Variants in TRIM13 observed in about 807,000 individuals in gnomAD.
The protein encoded by TRIM13 is tripartite motif containing 13.
A neutral mutation model predicts 27.1 loss-of-function variants in TRIM13; 15 were observed. The observed-to-expected ratio is 0.55, with a 90% confidence interval of 0.37 to 0.85. The LOEUF (loss-of-function observed/expected upper bound fraction) is 0.85. Ranked by LOEUF, TRIM13 falls within the 40% of genes least tolerant of loss-of-function variation. The pLI is 0.00. For missense variants in TRIM13, 402 were observed against 472.2 expected, an observed-to-expected ratio of 0.85 and a Z score of 1.38; for synonymous variants, 193 against 171.5, an observed-to-expected ratio of 1.13 and a Z score of -0.98.
In TRIM13 at chr13:50,014,103, G is replaced by C. The variant is rs1876013562; in HGVS notation, c.*939G>C. The C allele has an allele frequency of 6.0e-6, 1 of 165,588 alleles. No homozygotes were observed. The highest frequency in any genetic ancestry group is 6.7e-5 in the Admixed American group (1 of 15,024). The allele number at this position is 165,588 out of a possible 1,614,324, so 10.3% of individuals were successfully genotyped here. Reference sequence around the variant, plus strand: ...ATCTGCCCTTTTCTCCTTTGTTTTTGTAGTTTTCACCAAAGATGATCAACT... The same window carrying C: ...ATCTGCCCTTTTCTCCTTTGTTTTTCTAGTTTTCACCAAAGATGATCAACT... On this transcript the variant is annotated 3_prime_UTR_variant, in exon 2 of 2. Coordinates refer to ENST00000378182, the MANE Select transcript of TRIM13 (RefSeq NM_213590.3).
At chr13:49,998,406 C>T (rs544263272) in intron 1 of TRIM13, among the ~76,000 whole-genome samples, 2 of 152,156 alleles carry the variant, frequency 1.3e-5, no homozygotes, top group African/African-American at 4.8e-5. Flanking sequence ...TGCTTTGTAC[C>T]TGATACCTTA....
At chr13:50,011,904 G>A (rs1875698313) in intron 1 of TRIM13, 31 bp from the exon 2 acceptor site, 2 of 1,557,190 alleles carry the variant, frequency 1.3e-6, no homozygotes, top group East Asian at 4.5e-5. Context: ...GACGGTTATT[G>A]GAGTAAAATA....
In TRIM13 at chr13:50,014,093, C is replaced by T. The variant is rs538677263; in HGVS notation, c.*929C>T. 9.6e-5 allele frequency: 16 copies of T among 165,888 alleles called. No homozygotes were observed. Among genetic ancestry groups the T allele is most frequent in the African/African-American group, 3.6e-4 (15 of 41,146 alleles). The allele number at this position is 165,888 out of a possible 1,614,324, so 10.3% of individuals were successfully genotyped here. Reference sequence around the variant, plus strand: ...GGAGCTTTCAATCTGCCCTTTTCTCCTTTGTTTTTGTAGTTTTCACCAAAG... The same window carrying T: ...GGAGCTTTCAATCTGCCCTTTTCTCTTTTGTTTTTGTAGTTTTCACCAAAG... On this transcript the variant is annotated 3_prime_UTR_variant, in exon 2 of 2. Coordinates refer to ENST00000378182, the MANE Select transcript of TRIM13 (RefSeq NM_213590.3).
rs1461068203 is a variant in TRIM13 at position 50,015,438 on chromosome 13, T to C, written c.*2274T>C. ...GTATAACTAGCAACATTTATGGTTA[T>C]AGGTTGATTTCCTAAGTGTGGCTGA... On this transcript the variant is annotated 3_prime_UTR_variant, in exon 2 of 2. Coordinates refer to ENST00000378182, the MANE Select transcript of TRIM13 (RefSeq NM_213590.3). The C allele has an allele frequency of 8.0e-7, 1 of 1,257,358 alleles. No individual in the cohort carries two copies. The highest frequency in any genetic ancestry group is 1.1e-6 in the Non-Finnish European group (1 of 884,958). 77.9% of individuals were successfully genotyped at this position (1,257,358 alleles called of 1,614,324 possible).
At chr13:50,009,595 C>T (rs901758914) in intron 1 of TRIM13, among the ~76,000 whole-genome samples, 7 of 151,662 alleles carry the variant, frequency 4.6e-5, no homozygotes, top group Non-Finnish European at 7.4e-5. Flanking sequence ...AAATTACCTG[C>T]GTGTGGTGGT....
chr13:50,000,290 T>C (rs1479412218), intron 1 of TRIM13, among the ~76,000 whole-genome samples: 1 of 152,184 alleles, frequency 6.6e-6, no homozygotes, highest in Non-Finnish European at 1.5e-5. Flanking sequence ...TAAAGTGATA[T>C]AAACCCTTTC....
At position 50,013,073 on chromosome 13, in the gene TRIM13, G is replaced by C. The variant is rs994973109; in HGVS notation, c.1133G>C (p.Gly378Ala). 1 of 1,613,186 alleles carries C rather than the reference G, an allele frequency of 6.2e-7. No homozygotes were observed. Among genetic ancestry groups the C allele is most frequent in the African/African-American group, 1.3e-5 (1 of 74,850 alleles). ...SVFYWEQVTD[G>A]FFIFNERFKN... ...TTTTACTGGGAACAGGTGACAGATG[G>C]GTTTTTCATTTTCAATGAAAGATTC... The change falls in exon 2 of 2, where the codon GGG becomes GCG. Residue 378 changes from glycine (G) to alanine (A), a missense_variant. Gly to Ala is a moderately conservative substitution (Grantham distance 60). Coordinates refer to ENST00000378182, the MANE Select transcript of TRIM13 (RefSeq NM_213590.3).
intron 1 of TRIM13, among the ~76,000 whole-genome samples, chr13:49,998,795 G>C (rs1873604360): frequency 6.6e-6 from 1 of 151,656 alleles, no homozygotes; most frequent in African/African-American, 2.4e-5. Context: ...TGGGCGTGGG[G>C]GTGCGTGCAC....
rs1455262693 is a variant in TRIM13, at chr13:50,016,720, TCTG to T, written c.*3560_*3562del. 6.0e-6 allele frequency: 1 copy of T among 167,068 alleles called. No homozygotes were observed. The highest frequency in any genetic ancestry group is 1.5e-5 in the Non-Finnish European group (1 of 68,128). 10.3% of individuals were successfully genotyped at this position (167,068 alleles called of 1,614,324 possible). A position where few individuals can be genotyped will look rare whatever the true frequency, so the allele number is the denominator to read the frequency against. On this transcript the variant is annotated 3_prime_UTR_variant, in exon 2 of 2. Transcript: ENST00000378182. ...GCTGGATCCTAACGCTGATTTCCAC[TCTG>T]CTGTCACAAACATTTTTCCCCCCGT...
intron 1 of TRIM13, among the ~76,000 whole-genome samples, 172 bp from the exon 2 acceptor site, chr13:50,011,763 G>A (rs527559015): frequency 1.5e-4 from 23 of 152,158 alleles, no homozygotes; most frequent in Non-Finnish European, 3.2e-4. Flanking sequence ...TCTAGTCTCA[G>A]TGGATTAAAT....
At chr13:50,005,445 G>T (rs935898616) in intron 1 of TRIM13, among the ~76,000 whole-genome samples, 1 of 151,802 alleles carries the variant, frequency 6.6e-6, no homozygotes, top group African/African-American at 2.4e-5. Flanking sequence ...AGGCCGAGGC[G>T]GGTGGATCAC....
In TRIM13 at chr13:50,016,280, A is replaced by G. The variant is rs772287093; in HGVS notation, c.*3116A>G. 1.2e-4 allele frequency: 60 copies of G among 511,378 alleles called. No individual in the cohort carries two copies. The highest frequency in any genetic ancestry group is 2.0e-4 in the Non-Finnish European group (56 of 281,994). 31.7% of individuals were successfully genotyped at this position (511,378 alleles called of 1,614,324 possible). A position where few individuals can be genotyped will look rare whatever the true frequency, so the allele number is the denominator to read the frequency against. On this transcript the variant is annotated 3_prime_UTR_variant, in exon 2 of 2. Coordinates refer to ENST00000378182, the MANE Select transcript of TRIM13 (RefSeq NM_213590.3). ...GTGAAAGGGGCTATTATTAGGTGGG[A>G]CAAAAGGAATAAATGAAGACTGCCC...
Position 50,017,955 on chromosome 13 carries a change from G to T in TRIM13, c.*4791G>T, listed in dbSNP as rs1349920621. The T allele has an allele frequency of 3.6e-5, 6 of 166,932 alleles. No homozygotes were observed. The East Asian group carries it at 1.2e-3, about 32-fold the overall frequency. 10.3% of individuals were successfully genotyped at this position (166,932 alleles called of 1,614,324 possible). On this transcript the variant is annotated 3_prime_UTR_variant, in exon 2 of 2. Transcript: ENST00000378182. ...TTACCCCTCAAGGTTAACCTAGCAG[G>T]TTGCTCAGTTATTATCTCTCAAGGT...
intron 1 of TRIM13, among the ~76,000 whole-genome samples, chr13:50,009,756 A>AAAC (rs1555324175): frequency 0.031 from 3,813 of 121,870 alleles, 133 homozygotes; most frequent in Middle Eastern, 0.06. Context: ...AAAAAAAAAA[A>AAAC]AACAACAACA....
At position 50,015,942 on chromosome 13, in the gene TRIM13, C is replaced by A; in HGVS notation, c.*2778C>A. The A allele has an allele frequency of 1.4e-5, 23 of 1,614,078 alleles. No homozygotes were observed. The highest frequency in any genetic ancestry group is 1.9e-5 in the Non-Finnish European group (22 of 1,179,968). On this transcript the variant is annotated 3_prime_UTR_variant, in exon 2 of 2. Transcript: ENST00000378182. ...GTGTTTACAGAACAACCTTCAGCGC[C>A]GACCTGGAATGGTAACTTTTTCCCT... is the stretch of plus-strand genomic sequence containing the variant.
At chr13:50,009,020 CAAAAAAAAAAAAA>C (rs35407149) in intron 1 of TRIM13, among the ~76,000 whole-genome samples, 1 of 68,034 alleles carries the variant, frequency 1.5e-5, no homozygotes, top group Non-Finnish European at 2.9e-5. Flanking sequence ...AAAGCTGTCT[CAAAAAAAAAAAAA>C]AAAAAAAAAA....
At chr13:50,004,041 A>C (rs1057217490) in intron 1 of TRIM13, among the ~76,000 whole-genome samples, 1 of 152,234 alleles carries the variant, frequency 6.6e-6, no homozygotes, top group Non-Finnish European at 1.5e-5. Flanking sequence ...AGAAATATTC[A>C]AAGGAAGAGA....
At chr13:50,002,980 G>C (rs1334548114) in intron 1 of TRIM13, among the ~76,000 whole-genome samples, 7 of 152,080 alleles carry the variant, frequency 4.6e-5, no homozygotes, top group Non-Finnish European at 1.0e-4. Context: ...TCATACTACA[G>C]TATAGTAAGG....
At chr13:50,005,578 G>A (rs1874583703) in intron 1 of TRIM13, among the ~76,000 whole-genome samples, 1 of 151,380 alleles carries the variant, frequency 6.6e-6, no homozygotes, top group Admixed American at 6.6e-5. Context: ...GGGAGACTAA[G>A]GCAGGAGAAT....
Sources: gnomAD v4.1 joint callset for allele counts (sites outside exome capture counted in the v4.1 genomes callset) on GRCh38, gnomAD v4.1.1 for gene constraint, MANE v1.5 for transcripts, NCBI Gene and HGNC (gene_info 2026-07-23, HGNC 2026-07-21) for gene names.